Variants in IRAK3 observed in about 807,000 individuals in gnomAD.
IRAK3 encodes interleukin-1 receptor-associated kinase 3.
A neutral mutation model predicts 56.6 loss-of-function variants in IRAK3; 57 were observed. The observed-to-expected ratio is 1.01, with a 90% CI of 0.81 to 1.26. The LOEUF is 1.26. IRAK3 is among the 50% of genes most tolerant of loss of function. IRAK3 has a pLI of 0.00. For missense variants in IRAK3, 703 were observed against 719.0 expected, an observed-to-expected ratio of 0.98 and a Z score of 0.25; for synonymous variants, 258 against 255.7, an observed-to-expected ratio of 1.01 and a Z score of -0.09.
At chr12:66,230,194 G>T (rs1453215509) in intron 8 of IRAK3, among the ~76,000 whole-genome samples, 2 of 152,176 alleles carry the variant, frequency 1.3e-5, no homozygotes, top group Non-Finnish European at 2.9e-5. Context: ...CTCTCTGCTG[G>T]TATTTGGTGA....
chr12:66,229,778 C>T (rs1338036639), intron 8 of IRAK3, among the ~76,000 whole-genome samples: 2 of 152,220 alleles, frequency 1.3e-5, no homozygotes, highest in Non-Finnish European at 2.9e-5. Flanking sequence ...AACAATCCCT[C>T]CTCCACTCAG....
At chr12:66,200,395 T>A (rs1168759) in intron 1 of IRAK3, among the ~76,000 whole-genome samples, 150,194 of 152,316 alleles carry the variant, frequency 0.99, 74,060 homozygotes, top group Middle Eastern at 1. Flanking sequence ...CCCTGTCAAC[T>A]TGTAGTGAAT....
intron 1 of IRAK3, chr12:66,197,544 G>C: frequency 1.0e-6 from 1 of 985,316 alleles, no homozygotes; most frequent in Non-Finnish European, 1.2e-6. Flanking sequence ...AGGTTGCAGT[G>C]TGAATCACCA....
intron 4 of IRAK3, among the ~76,000 whole-genome samples, chr12:66,210,918 G>A (rs961983062): frequency 6.6e-6 from 1 of 152,158 alleles, no homozygotes. Context: ...TTTGATTCCT[G>A]TTTGCATGTT....
chr12:66,204,582 T>C (rs1450220278), intron 2 of IRAK3, among the ~76,000 whole-genome samples: 1 of 152,240 alleles, frequency 6.6e-6, no homozygotes, highest in African/African-American at 2.4e-5. Flanking sequence ...TCACCTGTTC[T>C]GTTTGTTCCA....
chr12:66,207,735 TCTCAAGGTATTTTC>T (rs1399054631), intron 2 of IRAK3, among the ~76,000 whole-genome samples: 1 of 152,188 alleles, frequency 6.6e-6, no homozygotes, highest in Non-Finnish European at 1.5e-5. Flanking sequence ...TTTTCATTCA[TCTCAAGGTATTTTC>T]TAATTTCTCT....
chr12:66,226,658 A>G, intron 6 of IRAK3, 65 bp from the exon 7 acceptor site: 1 of 891,598 alleles, frequency 1.1e-6, no homozygotes, highest in Non-Finnish European at 1.9e-6. Context: ...CCCCCACACC[A>G]GTGTGTTGTT....
At chr12:66,234,707 G>A (rs766627914) in intron 8 of IRAK3, 59 of 1,604,086 alleles carry the variant, frequency 3.7e-5, no homozygotes, top group Non-Finnish European at 4.9e-5. Flanking sequence ...ACCAGTAACA[G>A]CTTCACATTT....
chr12:66,191,880 C>T (rs991287646), intron 1 of IRAK3, among the ~76,000 whole-genome samples: 9 of 152,174 alleles, frequency 5.9e-5, no homozygotes, highest in African/African-American at 2.2e-4. Flanking sequence ...AAGTAAAGCT[C>T]TCTCGAGCCG....
chr12:66,241,960 C>T (rs930490475), intron 8 of IRAK3, among the ~76,000 whole-genome samples: 3 of 152,130 alleles, frequency 2.0e-5, no homozygotes, highest in Admixed American at 2.0e-4. Flanking sequence ...TCTTTTCTCC[C>T]TTTTTGTACT....
chr12:66,231,258 T>C (rs975727817), intron 8 of IRAK3, among the ~76,000 whole-genome samples: 1 of 152,186 alleles, frequency 6.6e-6, no homozygotes, highest in African/African-American at 2.4e-5. Context: ...ACATCCATAA[T>C]CCCAGCACTT....
chr12:66,197,067 A>T, intron 1 of IRAK3: 1 of 1,413,666 alleles, frequency 7.1e-7, no homozygotes, highest in Middle Eastern at 1.8e-4. Context: ...CACTCTCAAA[A>T]CAGCCTTCAA....
At chr12:66,215,908 G>A (rs1227229480) in intron 5 of IRAK3, among the ~76,000 whole-genome samples, 2 of 151,642 alleles carry the variant, frequency 1.3e-5, no homozygotes, top group African/African-American at 4.9e-5. Context: ...TGTAACATTG[G>A]TTCATTACCA....
chr12:66,243,926 G>T (rs1312104018), intron 8 of IRAK3, among the ~76,000 whole-genome samples: 4 of 152,136 alleles, frequency 2.6e-5, no homozygotes, highest in African/African-American at 9.7e-5. Context: ...TAAGCACTTT[G>T]CCTTTGTCTC....
intron 8 of IRAK3, chr12:66,233,958 G>T (rs1019960096): frequency 3.3e-6 from 4 of 1,214,938 alleles, no homozygotes; most frequent in Non-Finnish European, 1.2e-6. Context: ...ACGTTTTCAA[G>T]AACTTGTGCA....
Position 66,226,803 on chromosome 12 carries a change from G to A in IRAK3, c.734G>A (p.Arg245Lys), listed in dbSNP as rs143945987. 6.2e-7 allele frequency: 1 copy of A among 1,602,980 alleles called. No homozygotes were observed. The highest frequency in any genetic ancestry group is 8.5e-7 in the Non-Finnish European group (1 of 1,169,890). The change falls in exon 7 of 12, where the codon AGA becomes AAA. Residue 245 changes from arginine to lysine, a missense_variant. Transcript: ENST00000261233. The part of the protein sequence containing the change: ...EKFCLIYPYM[R>K]NGTLFDRLQC... Reference sequence around the variant, plus strand: ...TTCTGTCTGATTTATCCATACATGAGAAATGGAACACTTTTTGACAGATTG... The same window carrying A: ...TTCTGTCTGATTTATCCATACATGAAAAATGGAACACTTTTTGACAGATTG...
chr12:66,245,147 T>G lies in IRAK3; in HGVS notation c.1199T>G (p.Leu400Arg). Residue 400 changes from leucine (L) to arginine (R), a missense_variant, in exon 11 of 12, where the codon CTC becomes CGC. Physicochemically the swap from Leu to Arg is moderately radical, Grantham distance 102. Coordinates refer to ENST00000261233, the MANE Select transcript of IRAK3 (RefSeq NM_007199.3). ...GAGAAGAGAGGCCTGGATTCATGTC[T>G]CTCATTTCTAGATAAGAAAGTGCCT... ...LMEKRGLDSC[L>R]SFLDKKVPPC... 6.2e-7 allele frequency: 1 copy of G among 1,614,164 alleles called. No homozygotes were observed. The highest frequency in any genetic ancestry group is 1.3e-5 in the African/African-American group (1 of 75,048).
rs550143337 is a variant in IRAK3, at chr12:66,190,721, C to T, written c.133+1289C>T. ...CAATTACTCTGTGAGTCATTATCAT[C>T]GCCAGTGTTTTTTTAACAGGTCAGG... On this transcript the variant is annotated intron_variant, in intron 1 of 11. Transcript: ENST00000261233. Among the ~76,000 whole-genome samples the T allele has an allele frequency of 4.6e-5, 7 of 152,242 alleles. No homozygotes were observed. The South Asian group carries it at 6.2e-4, about 14-fold the overall frequency.
intron 11 of IRAK3, among the ~76,000 whole-genome samples, chr12:66,246,563 A>G (rs1383457352): frequency 6.6e-6 from 1 of 152,214 alleles, no homozygotes; most frequent in Non-Finnish European, 1.5e-5. Flanking sequence ...AGGAGCTATG[A>G]CATATATCGT....
Sources: gnomAD v4.1 joint callset for allele counts (sites outside exome capture counted in the v4.1 genomes callset) on GRCh38, gnomAD v4.1.1 for gene constraint, MANE v1.5 for transcripts, NCBI Gene and HGNC (gene_info 2026-07-23, HGNC 2026-07-21) for gene names.